The following MUC12 variants were observed in gnomAD, a reference collection of about 807,000 sequenced individuals.
MUC12 encodes mucin 12, cell surface associated, also known as mucin-12.
MUC12 carries 172 observed loss-of-function variants against 230.8 expected under a neutral mutation model. That is an observed-to-expected ratio of 0.75 (90% CI 0.66 to 0.85). The LOEUF (loss-of-function observed/expected upper bound fraction) is 0.85, where lower values mean the gene tolerates loss of function less well. Among genes scored for constraint, MUC12 ranks in the 40% least tolerant of loss-of-function variants. The pLI, the probability that MUC12 is intolerant of heterozygous loss-of-function variation, is 0.00. For missense variants in MUC12, 3,506 were observed against 5,920.6 expected (o/e 0.59, Z 13.38); for synonymous variants, 1,259 against 2,401.9 (o/e 0.52, Z 13.91).
chr7:100,995,733 C>T lies in MUC12; in HGVS notation c.5170C>T (p.Pro1724Ser), dbSNP rs1421606614. 14 of 1,534,860 alleles carry T rather than the reference C, an allele frequency of 9.1e-6. No homozygotes were observed. The highest frequency in any genetic ancestry group is 2.5e-5 in the East Asian group (1 of 40,786). Reference protein sequence around the residue: ...TTSHGSPSSTPTTHFSASSTT... With the variant: ...TTSHGSPSSTSTTHFSASSTT... The stretch of plus-strand genomic sequence containing the variant: ...CTCCCACGGCAGCCCGAGCTCAACT[C>T]CAACAACCCACTTTTCTGCCAGCTC... Residue 1724 changes from proline to serine, a missense_variant, in exon 2 of 12, where the codon CCA (proline) becomes TCA (serine). Transcript: ENST00000536621.
In MUC12 at chr7:100,991,337, G is replaced by T; in HGVS notation, c.774G>T (p.Ser258=). 2 of 1,537,262 alleles carry T rather than the reference G, an allele frequency of 1.3e-6. No homozygotes were observed. Among genetic ancestry groups the T allele is most frequent in the Admixed American group, 2.0e-5 (1 of 50,922 alleles). The change falls in exon 2 of 12, where the codon TCG becomes TCT. Residue 258 remains serine, a synonymous_variant. Coordinates refer to ENST00000536621, the MANE Select transcript of MUC12 (RefSeq NM_001164462.2). The stretch of plus-strand genomic sequence containing the variant: ...CGCCCGTCCACAGCAGCACTGGATC[G>T]CCACACACAACACTGTCCCCTTCCA... ...ASTPVHSSTG[S]PHTTLSPSSS...
intron 1 of MUC12, among the ~76,000 whole-genome samples, chr7:100,987,431 C>G (rs1371529506): frequency 1.3e-5 from 2 of 152,158 alleles, no homozygotes; most frequent in Non-Finnish European, 2.9e-5. Flanking sequence ...GCAGGAGGCA[C>G]TCCATGGGCA....
intron 1 of MUC12, 137 bp from the exon 2 acceptor site, chr7:100,990,494 C>A: frequency 9.2e-7 from 1 of 1,092,070 alleles, no homozygotes; most frequent in Non-Finnish European, 1.3e-6. Flanking sequence ...CCTATGCCCC[C>A]AAAAGGGAAA....
At position 100,991,417 on chromosome 7, in the gene MUC12, AG is replaced by A. The variant is rs1365452081; in HGVS notation, c.856del (p.Asp286ThrfsTer122). On this transcript the variant is annotated frameshift_variant, in exon 2 of 12. Coordinates refer to ENST00000536621, the MANE Select transcript of MUC12 (RefSeq NM_001164462.2). LOFTEE classifies it high-confidence loss of function. Reference protein sequence around the residue: ...PTTFQSWPSSKDTSPAPSGTT... With the variant: ...PTTFQSWPSSXDTSPAPSGTT... ...ACCTTCCAGAGCTGGCCAAGCTCAA[AG>A]GACACTTCGCCTGCACCTTCTGGTA... 3.9e-6 allele frequency: 6 copies of A among 1,537,704 alleles called. No individual in the cohort carries two copies.
chr7:101,012,973 C>G lies in MUC12; in HGVS notation c.15476-7C>G. The stretch of plus-strand genomic sequence containing the variant: ...GCTCATGCATGCTGCCCGCCCCTCT[C>G]CCTCAGAGCAATGCACCCAGAAGGC... On this transcript the variant is annotated splice_polypyrimidine_tract_variant and splice_region_variant and intron_variant, in intron 7 of 11. Coordinates refer to ENST00000536621, the MANE Select transcript of MUC12 (RefSeq NM_001164462.2). 6.5e-7 allele frequency: 1 copy of G among 1,537,288 alleles called. No homozygotes were observed. Among genetic ancestry groups the G allele is most frequent in the Non-Finnish European group, 8.7e-7 (1 of 1,146,928 alleles).
rs776013369 is a variant in MUC12, at chr7:100,993,082, C to G, written c.2519C>G (p.Ala840Gly). The G allele has an allele frequency of 9.1e-6, 14 of 1,533,458 alleles. No individual in the cohort carries two copies. Among genetic ancestry groups the G allele is most frequent in the Middle Eastern group, 1.7e-4 (1 of 5,998 alleles). 95.0% of individuals were successfully genotyped at this position (1,533,458 alleles called of 1,614,324 possible). The change falls in exon 2 of 12, where the codon GCC becomes GGC. Residue 840 changes from alanine to glycine, a missense_variant. Coordinates refer to ENST00000536621, the MANE Select transcript of MUC12 (RefSeq NM_001164462.2). Reference protein sequence around the residue: ...PRSPATTLSPASTTSSGVSEE... With the variant: ...PRSPATTLSPGSTTSSGVSEE... The stretch of plus-strand genomic sequence containing the variant: ...TCACCAGCCACAACACTCTCACCTG[C>G]CAGCACGACAAGCTCAGGCGTCAGT...
Position 101,008,712 on chromosome 7 carries a change from A to T in MUC12, c.15137A>T (p.Asp5046Val). The change falls in exon 4 of 12, where the codon GAC (aspartate) becomes GTC (valine). Residue 5046 changes from aspartate to valine, a missense_variant. Asp to Val is a radical substitution (Grantham distance 152, BLOSUM62 -3). Coordinates refer to ENST00000536621, the MANE Select transcript of MUC12 (RefSeq NM_001164462.2). ...TYRNFTEKMN[D>V]ASSQEYQNFS... Reference sequence around the variant, plus strand: ...AGAAATTTCACAGAAAAGATGAATGACGCATCCTCCCAGGAATACCAGAAC... The same window carrying T: ...AGAAATTTCACAGAAAAGATGAATGTCGCATCCTCCCAGGAATACCAGAAC... 1 of 1,537,244 alleles carries T rather than the reference A, an allele frequency of 6.5e-7. No homozygotes were observed. The highest frequency in any genetic ancestry group is 8.7e-7 in the Non-Finnish European group (1 of 1,146,916).
rs1482753218 is a variant in MUC12 at position 101,002,917 on chromosome 7, C to A, written c.12354C>A (p.His4118Gln). ...GCCCGAGCTCAACTCCAACAACACA[C>A]TTTTCTGCCAGTTCCACAACCTTGG... ...HSRPSSTPTT[H>Q]FSASSTTLGR... Residue 4118 changes from histidine (H) to glutamine (Q), a missense_variant, in exon 2 of 12, where the codon CAC becomes CAA. His to Gln is a conservative substitution (Grantham distance 24). Transcript: ENST00000536621. 1.6e-6 allele frequency: 2 copies of A among 1,240,176 alleles called. No individual in the cohort carries two copies. Among genetic ancestry groups the A allele is most frequent in the East Asian group, 2.6e-5 (1 of 37,904 alleles). The allele number at this position is 1,240,176 out of a possible 1,614,324, so 76.8% of individuals were successfully genotyped here.
intron 1 of MUC12, among the ~76,000 whole-genome samples, chr7:100,972,509 C>CTTTTTTT (rs764820674): frequency 4.2e-5 from 6 of 143,580 alleles, no homozygotes; most frequent in Middle Eastern, 3.6e-3. Flanking sequence ...GCATCTGTAG[C>CTTTTTTT]TTTTTTTTTT....
At chr7:101,017,317 G>A (rs1026675612) in intron 10 of MUC12, 2 of 449,278 alleles carry the variant, frequency 4.5e-6, no homozygotes, top group Non-Finnish European at 8.0e-6. Flanking sequence ...GCTCCTCCGT[G>A]GCCCCCGCTT....
chr7:100,992,569 C>T lies in MUC12; in HGVS notation c.2006C>T (p.Pro669Leu). ...TTSHGSPSSI[P>L]TTHISARSTT... Reference sequence around the variant, plus strand: ...TCCCACGGCAGCCCGAGCTCAATTCCAACAACCCACATTTCTGCCCGCTCC... The same window carrying T: ...TCCCACGGCAGCCCGAGCTCAATTCTAACAACCCACATTTCTGCCCGCTCC... The change falls in exon 2 of 12, where the codon CCA (proline) becomes CTA (leucine). Residue 669 changes from proline (P) to leucine (L), a missense_variant. Pro to Leu is a moderately conservative substitution (Grantham distance 98, BLOSUM62 -3). Coordinates refer to ENST00000536621, the MANE Select transcript of MUC12 (RefSeq NM_001164462.2). 2.0e-6 allele frequency: 3 copies of T among 1,537,980 alleles called. No individual in the cohort carries two copies. The highest frequency in any genetic ancestry group is 2.6e-6 in the Non-Finnish European group (3 of 1,147,070).
At chr7:100,975,148 A>T (rs112665317) in intron 1 of MUC12, among the ~76,000 whole-genome samples, 6 of 152,204 alleles carry the variant, frequency 3.9e-5, no homozygotes, top group Non-Finnish European at 8.8e-5. Context: ...GCTGCAGAGG[A>T]CACAAAAGCC....
At chr7:101,013,868 G>A (rs377222284) in intron 8 of MUC12, 45 bp from the exon 9 acceptor site, 88 of 1,502,416 alleles carry the variant, frequency 5.9e-5, no homozygotes, top group Non-Finnish European at 7.5e-5. Flanking sequence ...GATATTGGAT[G>A]TGAGGGATCC....
rs1005986505 is a variant in MUC12 at position 101,013,911 on chromosome 7, A to C, written c.15639-2A>C. The C allele has an allele frequency of 2.0e-6, 3 of 1,532,802 alleles. No individual in the cohort carries two copies. Among genetic ancestry groups the C allele is most frequent in the Non-Finnish European group, 2.6e-6 (3 of 1,144,604 alleles). The allele number at this position is 1,532,802 out of a possible 1,614,324, so 95.0% of individuals were successfully genotyped here. On this transcript the variant is annotated splice_acceptor_variant, in intron 8 of 11. Coordinates refer to ENST00000536621, the MANE Select transcript of MUC12 (RefSeq NM_001164462.2). LOFTEE classifies it high-confidence loss of function. Reference sequence around the variant, plus strand: ...TCAGCGTGAGCTTGTCTGTGTCCCCAGGTGCCCAAATACGAACACACACTG... The same window carrying C: ...TCAGCGTGAGCTTGTCTGTGTCCCCCGGTGCCCAAATACGAACACACACTG...
intron 1 of MUC12, among the ~76,000 whole-genome samples, chr7:100,984,582 G>GT (rs1166890635): frequency 3.3e-5 from 5 of 150,894 alleles, no homozygotes; most frequent in Non-Finnish European, 4.4e-5. Flanking sequence ...ATGTGTTTTT[G>GT]TTTTTTTTTA....
rs1462338025 is a variant in MUC12, at chr7:101,004,760, G to C, written c.14197G>C (p.Gly4733Arg). 6.5e-7 allele frequency: 1 copy of C among 1,537,190 alleles called. No homozygotes were observed. The highest frequency in any genetic ancestry group is 2.4e-5 in the East Asian group (1 of 40,910). The change falls in exon 2 of 12, where the codon GGC (glycine) becomes CGC (arginine). Residue 4733 changes from glycine (G) to arginine (R), a missense_variant. Physicochemically the swap from Gly to Arg is moderately radical, Grantham distance 125. Coordinates refer to ENST00000536621, the MANE Select transcript of MUC12 (RefSeq NM_001164462.2). ...TTLASTATTP[G>R]LSAKSTILYS... is the part of the protein sequence containing the mutation. ...ATTAGCCAGCACTGCCACAACACCAGGCCTCAGTGCAAAATCTACCATCCT... is the reference window on the plus strand; with the variant it reads ...ATTAGCCAGCACTGCCACAACACCACGCCTCAGTGCAAAATCTACCATCCT...
rs559324103 is a variant in MUC12, at chr7:101,003,221, C to A, written c.12658C>A (p.His4220Asn). The A allele has an allele frequency of 1.1e-4, 156 of 1,434,664 alleles. 26 individuals are homozygous for A. In the African/African-American group the frequency reaches 1.8e-3, roughly 16 times the overall value. 88.9% of individuals were successfully genotyped at this position (1,434,664 alleles called of 1,614,324 possible). ...CGTCAGTGAAGAATCCACCACCTCC[C>A]ACAGCCGACCAGGCTCAATGCACAC... ...SGVSEESTTS[H>N]SRPGSMHTTA... Residue 4220 changes from histidine to asparagine, a missense_variant, in exon 2 of 12, where the codon CAC (histidine) becomes AAC (asparagine). Coordinates refer to ENST00000536621, the MANE Select transcript of MUC12 (RefSeq NM_001164462.2).
At chr7:100,980,044 T>A (rs1793082941) in intron 1 of MUC12, among the ~76,000 whole-genome samples, 1 of 149,444 alleles carries the variant, frequency 6.7e-6, no homozygotes, top group South Asian at 2.2e-4. Context: ...TTTTTTTTCG[T>A]TGTTGTTGTT....
intron 8 of MUC12, among the ~76,000 whole-genome samples, chr7:101,013,679 G>T (rs1431133956): frequency 1.3e-5 from 2 of 152,158 alleles, no homozygotes; most frequent in Non-Finnish European, 2.9e-5. Context: ...AACACTCTCA[G>T]GTCCCCTTGA....
Sources: allele counts gnomAD v4.1 joint callset (sites outside exome capture counted in the v4.1 genomes callset), GRCh38; gene constraint gnomAD v4.1.1; transcripts MANE v1.5; gene names NCBI Gene and HGNC (gene_info 2026-07-23, HGNC 2026-07-21).